MLH3: variants seen among roughly 807,000 people sequenced by gnomAD.
MLH3 encodes the protein DNA mismatch repair protein Mlh3.
MLH3 carries 82 observed loss-of-function variants against 122.2 expected under a neutral mutation model. The observed-to-expected ratio is 0.67, with a 90% CI of 0.56 to 0.81. The LOEUF (loss-of-function observed/expected upper bound fraction) is 0.81, where lower values mean the gene tolerates loss of function less well. MLH3 is among the 30% of genes least tolerant of loss of function. The pLI is 0.00. For synonymous variants in MLH3, 524 were observed against 599.5 expected (o/e 0.87, Z 1.84); for missense variants, 1,539 against 1,714.5 (o/e 0.90, Z 1.81).
chr14:75,019,032 A>G, intron 11 of MLH3, 52 bp from the exon 12 acceptor site: 1 of 1,537,456 alleles, frequency 6.5e-7, no homozygotes, highest in Non-Finnish European at 9.0e-7. Context: ...TGGGAAACCA[A>G]TGCTGACCTT....
rs563374988 is a variant in MLH3, at chr14:75,013,900, G to C, written c.*3182C>G. ...CGTTGATGAGCAGCTTCAGCTTAGA[G>C]GGTAAAGACAGGCATGATCGCGACT... On this transcript the variant is annotated 3_prime_UTR_variant, in exon 13 of 13. Transcript: ENST00000355774. The C allele has an allele frequency of 9.5e-6, 2 of 209,980 alleles. No homozygotes were observed. Among genetic ancestry groups the C allele is most frequent in the Non-Finnish European group, 1.9e-5 (2 of 103,308 alleles). 13.0% of individuals were successfully genotyped at this position (209,980 alleles called of 1,614,324 possible).
At chr14:75,024,568 C>T (rs963049820) in intron 9 of MLH3, among the ~76,000 whole-genome samples, 4 of 152,224 alleles carry the variant, frequency 2.6e-5, no homozygotes, top group African/African-American at 9.6e-5. Flanking sequence ...AGTGCCATGG[C>T]GCGATCTCAG....
In MLH3 at chr14:75,048,182, G is replaced by T; in HGVS notation, c.1474C>A (p.Leu492Met). ...GGATTTTCTAAAGAGCTATGTTCCA[G>T]GAAAGATTTTTTATGTTTCTCATTT... is the stretch of plus-strand genomic sequence containing the variant. ...GENEKHKKSFLEHSSLENPCG... is the reference protein window; with the variant it reads ...GENEKHKKSFMEHSSLENPCG... Residue 492 changes from leucine (L) to methionine (M), a missense_variant, in exon 2 of 13, where the codon CTG becomes ATG. Physicochemically the swap from Leu to Met is conservative, Grantham distance 15. Coordinates refer to ENST00000355774, the MANE Select transcript of MLH3 (RefSeq NM_001040108.2). 1 of 1,613,808 alleles carries T rather than the reference G, an allele frequency of 6.2e-7. No individual in the cohort carries two copies. The highest frequency in any genetic ancestry group is 1.3e-5 in the African/African-American group (1 of 74,992).
intron 11 of MLH3, among the ~76,000 whole-genome samples, chr14:75,022,314 T>C (rs1890336269): frequency 6.6e-6 from 1 of 152,162 alleles, no homozygotes; most frequent in African/African-American, 2.4e-5. Flanking sequence ...GAACCTAAAA[T>C]GAAAGTTGGA....
intron 12 of MLH3, among the ~76,000 whole-genome samples, chr14:75,018,152 C>A (rs200182656): frequency 1.3e-5 from 2 of 150,280 alleles, no homozygotes; most frequent in African/African-American, 2.5e-5. Context: ...TCTCAAAAAA[C>A]AAAAAAAAAG....
rs200444835 is a variant in MLH3, at chr14:75,030,589, T to C, written c.3941A>G (p.Asn1314Ser). The C allele has an allele frequency of 1.4e-5, 23 of 1,614,152 alleles. No homozygotes were observed. The highest frequency in any genetic ancestry group is 5.5e-5 in the South Asian group (5 of 91,084). Residue 1314 changes from asparagine to serine, a missense_variant, in exon 9 of 13, where the codon AAT becomes AGT. Physicochemically the swap from Asn to Ser is conservative, Grantham distance 46. Transcript: ENST00000355774. ...VPLCFVEREA[N>S]ELRRGRSTVT... ...AGTAGATCTTCCTCTCCGAAGTTCA[T>C]TGGCTTCTCTTTCCACAAAACATAG...
chr14:75,026,925 C>T (rs1210986161), intron 9 of MLH3, among the ~76,000 whole-genome samples: 1 of 151,920 alleles, frequency 6.6e-6, no homozygotes, highest in Non-Finnish European at 1.5e-5. Context: ...ATGGTGAAAC[C>T]CCATCTCTGC....
At chr14:75,033,761 C>A (rs555056575) in intron 6 of MLH3, among the ~76,000 whole-genome samples, 2 of 152,148 alleles carry the variant, frequency 1.3e-5, no homozygotes, top group Non-Finnish European at 2.9e-5. Flanking sequence ...TGCCCCCACC[C>A]CTTCTAGTTT....
rs547716471 is a variant in MLH3, at chr14:75,020,089, A to G, written c.4091-1109T>C. 7.2e-5 allele frequency among the ~76,000 whole-genome samples: 11 copies of G among 152,310 alleles called. No individual in the cohort carries two copies. The South Asian group carries it at 1.5e-3, about 20-fold the overall frequency. ...GACGTGGCTAATTGAAGAAGGAGAG[A>G]AAAGTGTTTCAGGTAGAGGAGAAGG... is the stretch of plus-strand genomic sequence containing the variant. On this transcript the variant is annotated intron_variant, in intron 11 of 12. Transcript: ENST00000355774.
intron 9 of MLH3, among the ~76,000 whole-genome samples, chr14:75,028,566 T>A (rs567224318): frequency 2.0e-5 from 3 of 151,792 alleles, no homozygotes; most frequent in African/African-American, 7.2e-5. Flanking sequence ...TACAGGCACA[T>A]ACCATCATGC....
At chr14:75,032,418 A>G (rs532579334) in intron 7 of MLH3, among the ~76,000 whole-genome samples, 1 of 152,358 alleles carries the variant, frequency 6.6e-6, no homozygotes, top group South Asian at 2.1e-4. Flanking sequence ...TCAGATGAAC[A>G]AGCCAATGTT....
At position 75,038,347 on chromosome 14, in the gene MLH3, G is replaced by A. The variant is rs571755678; in HGVS notation, c.3636C>T (p.Gly1212=). The change falls in exon 6 of 13, where the codon GGC becomes GGT. Residue 1212 remains glycine (G), a synonymous_variant. Coordinates refer to ENST00000355774, the MANE Select transcript of MLH3 (RefSeq NM_001040108.2). ...CLMSTKTEEN[G]EAGGNLLVLV... ...GCTAAACTCCATTCTTACCTGCCTC[G>A]CCATTCTCTTCAGTCTTAGTGCTCA... 8.7e-5 allele frequency: 140 copies of A among 1,612,216 alleles called. 3 individuals carry two copies. Among genetic ancestry groups the A allele is most frequent in the South Asian group, 7.8e-4 (71 of 91,030 alleles).
intron 12 of MLH3, 137 bp downstream of exon 12, chr14:75,018,692 T>A: frequency 1.1e-6 from 1 of 944,818 alleles, no homozygotes; most frequent in Non-Finnish European, 1.7e-6. Context: ...AGGCTTTATG[T>A]GAAACTTCCA....
At chr14:75,018,802 T>G in intron 12 of MLH3, 27 bp downstream of exon 12, 2 of 1,612,802 alleles carry the variant, frequency 1.2e-6, no homozygotes, top group African/African-American at 1.3e-5. Context: ...CTTTGCTCCC[T>G]CCTGCTCCTG....
rs776538240 is a variant in MLH3 at position 75,033,496 on chromosome 14, T to G, written c.3644-6A>C. On this transcript the variant is annotated splice_polypyrimidine_tract_variant and splice_region_variant and intron_variant, in intron 6 of 12. Coordinates refer to ENST00000355774, the MANE Select transcript of MLH3 (RefSeq NM_001040108.2). The stretch of plus-strand genomic sequence containing the variant: ...CAGCACGAGCAGGTTCCCACCTAGA[T>G]GAGCAAGGATTGTGAACTTTGATTC... The G allele has an allele frequency of 6.2e-7, 1 of 1,612,148 alleles. No individual in the cohort carries two copies. The highest frequency in any genetic ancestry group is 1.3e-5 in the African/African-American group (1 of 74,834).
chr14:75,020,223 C>G (rs558434087), intron 11 of MLH3, among the ~76,000 whole-genome samples: 1 of 152,306 alleles, frequency 6.6e-6, no homozygotes, highest in South Asian at 2.1e-4. Context: ...TGACGTGACA[C>G]TGGAGAGGCA....
In MLH3 at chr14:75,047,041, G is replaced by T; in HGVS notation, c.2615C>A (p.Ser872Ter). 2 of 1,614,144 alleles carry T rather than the reference G, an allele frequency of 1.2e-6. No individual in the cohort carries two copies. Among genetic ancestry groups the T allele is most frequent in the South Asian group, 2.2e-5 (2 of 91,078 alleles). The change falls in exon 2 of 13, where the codon TCA (serine) becomes TAA (stop). Residue 872 changes from serine (S) to a stop codon, truncating the protein, a stop_gained. Transcript: ENST00000355774. LOFTEE classifies it high-confidence loss of function. The part of the protein sequence containing the change: ...KPLDLEKSSE[S>*]LASKLSRLKG... The stretch of plus-strand genomic sequence containing the variant: ...CAGTCTGGATAATTTAGAGGCTAGT[G>T]ATTCAGATGACTTCTCAAGGTCCAA...
intron 6 of MLH3, among the ~76,000 whole-genome samples, chr14:75,037,452 C>T (rs1271068446): frequency 1.4e-5 from 2 of 141,810 alleles, no homozygotes; most frequent in Non-Finnish European, 3.2e-5. Flanking sequence ...CTGGTACAGT[C>T]CCTGGCATAC....
rs376981545 is a variant in MLH3, at chr14:75,038,407, G to A, written c.3576C>T (p.Leu1192=). Residue 1192 remains leucine (L), a synonymous_variant, in exon 6 of 13, where the codon CTC becomes CTT. Coordinates refer to ENST00000355774, the MANE Select transcript of MLH3 (RefSeq NM_001040108.2). The stretch of plus-strand genomic sequence containing the variant: ...CAATAAACTTGTTATCTACTTGCTG[G>A]AGAACCTGTCAGACATTCAAATAAG... The part of the protein sequence containing the change: ...TKGMIHSMQV[L]QQVDNKFIAC... 2.5e-5 allele frequency: 41 copies of A among 1,609,640 alleles called. No individual in the cohort carries two copies. Among genetic ancestry groups the A allele is most frequent in the Non-Finnish European group, 3.3e-5 (39 of 1,176,224 alleles).
Sources: gnomAD v4.1 joint callset for allele counts (sites outside exome capture counted in the v4.1 genomes callset) on GRCh38, gnomAD v4.1.1 for gene constraint, MANE v1.5 for transcripts, NCBI Gene and HGNC (gene_info 2026-07-23, HGNC 2026-07-21) for gene names.